The following POTEC variants were observed in gnomAD, a reference collection of about 807,000 sequenced individuals.
POTEC encodes the protein ANKRD26-like family B member 2.
In POTEC, 35 loss-of-function variants were observed where a neutral mutation model predicts 62.0. The observed-to-expected ratio is 0.56, with a 90% CI of 0.43 to 0.75. The LOEUF (loss-of-function observed/expected upper bound fraction) is 0.75. Among genes scored for constraint, POTEC ranks in the 30% least tolerant of loss-of-function variants. POTEC has a pLI of 0.00. For missense variants in POTEC, 472 were observed against 655.9 expected (o/e 0.72, Z 3.06); for synonymous variants, 156 against 221.5 (o/e 0.70, Z 2.62).
chr18:14,520,430 G>A (rs1598477972), intron 9 of POTEC, among the ~76,000 whole-genome samples: 1 of 151,792 alleles, frequency 6.6e-6, no homozygotes, highest in East Asian at 1.9e-4. Flanking sequence ...CTTCTTGCTT[G>A]ATAAAAATCA....
chr18:14,543,081 G>C lies in POTEC; in HGVS notation c.66C>G (p.Ser22Arg), dbSNP rs755088917. Reference sequence around the variant, plus strand: ...GGTGGTGAAACCACTTGCCCATCTTGCTCCTGAGATCGAATGGCTTCTTCA... The same window carrying C: ...GGTGGTGAAACCACTTGCCCATCTTCCTCCTGAGATCGAATGGCTTCTTCA... ...SAVKKPFDLR[S>R]KMGKWFHHRF... Residue 22 changes from serine to arginine, a missense_variant, in exon 1 of 11, where the codon AGC (serine) becomes AGG (arginine). Physicochemically the swap from Ser to Arg is moderately radical, Grantham distance 110 (BLOSUM62 -1). This residue lies in a region of POTEC where 257 missense variants were observed against 250.7 expected (regional missense o/e 1.03). Transcript: ENST00000358970. 1 of 1,613,952 alleles carries C rather than the reference G, an allele frequency of 6.2e-7. No homozygotes were observed. The highest frequency in any genetic ancestry group is 8.5e-7 in the Non-Finnish European group (1 of 1,179,892).
At chr18:14,518,228 A>T (rs1264788466) in intron 9 of POTEC, among the ~76,000 whole-genome samples, 1 of 151,998 alleles carries the variant, frequency 6.6e-6, no homozygotes, top group Non-Finnish European at 1.5e-5. Flanking sequence ...AAAAATAAAA[A>T]CCCTATTCAT....
rs1319307077 is a variant in POTEC, at chr18:14,509,396, G to T, written c.*2502C>A. ...AGGGTGAGATGCTAGCAGGGGTGGGGTTTTTGGTTCTGTGCCCACCATGGC... is the reference window on the plus strand; with the variant it reads ...AGGGTGAGATGCTAGCAGGGGTGGGTTTTTTGGTTCTGTGCCCACCATGGC... On this transcript the variant is annotated 3_prime_UTR_variant, in exon 11 of 11. Transcript: ENST00000358970. 3 of 151,852 alleles carry T rather than the reference G, an allele frequency of 2.0e-5. No individual in the cohort carries two copies. Among genetic ancestry groups the T allele is most frequent in the Non-Finnish European group, 4.4e-5 (3 of 67,974 alleles). 9.4% of individuals were successfully genotyped at this position (151,852 alleles called of 1,614,324 possible).
intron 9 of POTEC, among the ~76,000 whole-genome samples, chr18:14,515,653 CAAATAAATAAAT>C (rs148381303): frequency 1.0e-3 from 153 of 149,424 alleles, no homozygotes; most frequent in African/African-American, 3.6e-3. Flanking sequence ...AATAAATAAA[CAAATAAATAAAT>C]AAATAAATAA....
chr18:14,509,449 T>C lies in POTEC; in HGVS notation c.*2449A>G, dbSNP rs1056687863. On this transcript the variant is annotated 3_prime_UTR_variant, in exon 11 of 11. Coordinates refer to ENST00000358970, the MANE Select transcript of POTEC (RefSeq NM_001137671.2). ...CATCTTCAGTGGCAGTTGGTGTGGG[T>C]TGGGGTGTGTGCTGCATTCCCATAT... 18 of 151,630 alleles carry C rather than the reference T, an allele frequency of 1.2e-4. No homozygotes were observed. Among genetic ancestry groups the C allele is most frequent in the African/African-American group, 4.4e-4 (18 of 41,236 alleles). 9.4% of individuals were successfully genotyped at this position (151,630 alleles called of 1,614,324 possible). A position where few individuals can be genotyped will look rare whatever the true frequency, so the allele number is the denominator to read the frequency against.
At position 14,509,390 on chromosome 18, in the gene POTEC, G is replaced by C. The variant is rs1303131567; in HGVS notation, c.*2508C>G. 2.6e-5 allele frequency: 4 copies of C among 151,836 alleles called. No individual in the cohort carries two copies. Among genetic ancestry groups the C allele is most frequent in the Non-Finnish European group, 5.9e-5 (4 of 67,952 alleles). The allele number at this position is 151,836 out of a possible 1,614,324, so 9.4% of individuals were successfully genotyped here. A position where few individuals can be genotyped will look rare whatever the true frequency, so the allele number is the denominator to read the frequency against. On this transcript the variant is annotated 3_prime_UTR_variant, in exon 11 of 11. Coordinates refer to ENST00000358970, the MANE Select transcript of POTEC (RefSeq NM_001137671.2). ...ACCTCAAGGGTGAGATGCTAGCAGG[G>C]GTGGGGTTTTTGGTTCTGTGCCCAC... is the stretch of plus-strand genomic sequence containing the variant.
chr18:14,522,146 G>C, intron 9 of POTEC, 108 bp downstream of exon 9: 1 of 1,493,446 alleles, frequency 6.7e-7, no homozygotes, highest in Non-Finnish European at 9.0e-7. Context: ...AGGCAAGGCT[G>C]AATATTCTAG....
rs1225333149 is a variant in POTEC at position 14,509,636 on chromosome 18, T to G, written c.*2262A>C. 6.6e-6 allele frequency: 1 copy of G among 151,884 alleles called. No individual in the cohort carries two copies. The allele number at this position is 151,884 out of a possible 1,614,324, so 9.4% of individuals were successfully genotyped here. A position where few individuals can be genotyped will look rare whatever the true frequency, so the allele number is the denominator to read the frequency against. On this transcript the variant is annotated 3_prime_UTR_variant, in exon 11 of 11. Coordinates refer to ENST00000358970, the MANE Select transcript of POTEC (RefSeq NM_001137671.2). Reference sequence around the variant, plus strand: ...GCAGCTCTCCACTGATCAGGCACGGTCCGCTTGTACAGAAGCTATGGTGTG... The same window carrying G: ...GCAGCTCTCCACTGATCAGGCACGGGCCGCTTGTACAGAAGCTATGGTGTG...
intron 7 of POTEC, among the ~76,000 whole-genome samples, chr18:14,523,785 T>C (rs1349859445): frequency 6.6e-6 from 1 of 152,142 alleles, no homozygotes; most frequent in Non-Finnish European, 1.5e-5. Flanking sequence ...AATAAAAACA[T>C]CAACCAGCAA....
intron 9 of POTEC, among the ~76,000 whole-genome samples, chr18:14,517,589 C>T (rs1179683361): frequency 6.6e-6 from 1 of 151,664 alleles, no homozygotes; most frequent in Non-Finnish European, 1.5e-5. Flanking sequence ...TGGCCAGGCG[C>T]AGTGGCTCAT....
intron 3 of POTEC, among the ~76,000 whole-genome samples, chr18:14,536,205 A>G (rs536000179): frequency 1.3e-5 from 2 of 148,346 alleles, no homozygotes; most frequent in Non-Finnish European, 3.0e-5. Context: ...AGCCTGGGGA[A>G]CAGAGTGAGA....
intron 6 of POTEC, 111 bp downstream of exon 6, chr18:14,530,372 A>T: frequency 1.3e-6 from 2 of 1,523,244 alleles, no homozygotes; most frequent in South Asian, 2.3e-5. Context: ...TCCTGAAACC[A>T]TCCCCACCTT....
chr18:14,530,786 T>C (rs1905484555), intron 5 of POTEC, among the ~76,000 whole-genome samples: 1 of 152,096 alleles, frequency 6.6e-6, no homozygotes, highest in Admixed American at 6.6e-5. Context: ...ACCCAGTAAA[T>C]CAGCATGCAT....
chr18:14,540,403 C>T (rs28376324), intron 1 of POTEC, among the ~76,000 whole-genome samples: 32,163 of 151,810 alleles, frequency 0.21, 3,931 homozygotes, highest in East Asian at 0.49. Flanking sequence ...AAAAACTTCA[C>T]TTACAAATCC....
intron 1 of POTEC, among the ~76,000 whole-genome samples, chr18:14,540,764 G>A (rs1214548313): frequency 1.3e-5 from 2 of 152,202 alleles, no homozygotes; most frequent in African/African-American, 4.8e-5. Context: ...TACCATCAAA[G>A]TGTCTATTTG....
At chr18:14,533,797 G>A (rs1237466784) in intron 4 of POTEC, among the ~76,000 whole-genome samples, 2 of 151,458 alleles carry the variant, frequency 1.3e-5, no homozygotes, top group African/African-American at 2.4e-5. Flanking sequence ...CGTTCCCAAT[G>A]TCACACACGT....
At chr18:14,526,853 T>G (rs1910450236) in intron 6 of POTEC, among the ~76,000 whole-genome samples, 1 of 152,128 alleles carries the variant, frequency 6.6e-6, no homozygotes, top group African/African-American at 2.4e-5. Flanking sequence ...GTAGATCATT[T>G]TAATGCCAAA....
chr18:14,508,831 C>G lies in POTEC; in HGVS notation c.*3067G>C, dbSNP rs945926567. On this transcript the variant is annotated 3_prime_UTR_variant, in exon 11 of 11. Coordinates refer to ENST00000358970, the MANE Select transcript of POTEC (RefSeq NM_001137671.2). The stretch of plus-strand genomic sequence containing the variant: ...TTTTTGAGTTTTCAGTGTTCTTGCA[C>G]AGAGTCTTTTTCTCATCTTTATGGG... The G allele has an allele frequency of 6.6e-6, 1 of 152,406 alleles. No homozygotes were observed. The highest frequency in any genetic ancestry group is 2.4e-5 in the African/African-American group (1 of 41,450). The allele number at this position is 152,406 out of a possible 1,614,324, so 9.4% of individuals were successfully genotyped here.
intron 5 of POTEC, chr18:14,531,596 G>A (rs940434798): frequency 6.6e-6 from 1 of 151,702 alleles, no homozygotes; most frequent in African/African-American, 2.4e-5. Flanking sequence ...CGATATTTTG[G>A]TGGCACCCAT....
Sources: allele counts gnomAD v4.1 joint callset (sites outside exome capture counted in the v4.1 genomes callset), GRCh38; gene constraint gnomAD v4.1.1; regional missense constraint gnomAD v4.1.1; transcripts MANE v1.5; gene names NCBI Gene and HGNC (gene_info 2026-07-23, HGNC 2026-07-21).